SHLD1: variants seen among roughly 807,000 people sequenced by gnomAD.
SHLD1 encodes the protein RINN1-REV7-interacting novel NHEJ regulator 3.
In SHLD1, 3 loss-of-function variants were observed where a neutral mutation model predicts 5.5. The observed-to-expected ratio is 0.54, with a 90% CI of 0.25 to 1.40. The LOEUF (loss-of-function observed/expected upper bound fraction) is 1.40, where lower values mean the gene tolerates loss of function less well. Ranked by LOEUF, SHLD1 falls within the 40% of genes most tolerant of loss-of-function variation. SHLD1 has a pLI of 0.15. For synonymous variants in SHLD1, 92 were observed against 94.3 expected (o/e 0.98, Z 0.14); for missense variants, 210 against 244.4 (o/e 0.86, Z 0.94).
At chr20:5,753,666 G>A (rs1316537618) in intron 1 of SHLD1, among the ~76,000 whole-genome samples, 1 of 152,178 alleles carries the variant, frequency 6.6e-6, no homozygotes, top group African/African-American at 2.4e-5. Context: ...GTCGCCACGT[G>A]TACAAGCAAC....
At chr20:5,821,893 C>G (rs1180027457) in intron 2 of SHLD1, among the ~76,000 whole-genome samples, 1 of 152,154 alleles carries the variant, frequency 6.6e-6, no homozygotes, top group Non-Finnish European at 1.5e-5. Flanking sequence ...AAACAGAAGC[C>G]CTGGAGTCTT....
At chr20:5,775,660 G>A (rs975353800) in intron 2 of SHLD1, among the ~76,000 whole-genome samples, 3 of 152,170 alleles carry the variant, frequency 2.0e-5, no homozygotes, top group African/African-American at 7.2e-5. Context: ...AGTGGTGGTC[G>A]TGCTGGATTA....
intron 2 of SHLD1, among the ~76,000 whole-genome samples, chr20:5,822,561 T>A (rs2087617668): frequency 6.6e-6 from 1 of 152,166 alleles, no homozygotes; most frequent in Non-Finnish European, 1.5e-5. Context: ...CTTGTGTCCC[T>A]AAGTCCCAGC....
intron 2 of SHLD1, among the ~76,000 whole-genome samples, chr20:5,788,311 A>G (rs2087090848): frequency 6.6e-6 from 1 of 152,242 alleles, no homozygotes; most frequent in Non-Finnish European, 1.5e-5. Context: ...TGTTTTGTCC[A>G]GAATTTTCTT....
At position 5,808,983 on chromosome 20, in the gene SHLD1, T is replaced by G. The variant is rs113408518; in HGVS notation, c.178+35940T>G. ...CAAATTAATATGCCATGAAGGAATT[T>G]AAGGGGGTGGCATTTTTTATGAGTT... On this transcript the variant is annotated intron_variant, in intron 2 of 2. Coordinates refer to ENST00000303142, the MANE Select transcript of SHLD1 (RefSeq NM_152504.4). 7.3e-5 allele frequency among the ~76,000 whole-genome samples: 11 copies of G among 151,020 alleles called. 1 individual carries two copies. The highest frequency in any genetic ancestry group is 2.5e-4 in the African/African-American group (10 of 40,316).
chr20:5,795,755 G>A (rs1187733316), intron 2 of SHLD1, among the ~76,000 whole-genome samples: 2 of 152,078 alleles, frequency 1.3e-5, no homozygotes, highest in African/African-American at 2.4e-5. Context: ...GCCGAGGCAG[G>A]TGGATCACGA....
At chr20:5,861,154 C>T (rs1255305940) in intron 2 of SHLD1, among the ~76,000 whole-genome samples, 2 of 152,202 alleles carry the variant, frequency 1.3e-5, no homozygotes, top group Non-Finnish European at 2.9e-5. Flanking sequence ...TGCCACTGGC[C>T]TTTTGTTCAT....
intron 1 of SHLD1, among the ~76,000 whole-genome samples, chr20:5,760,129 G>A (rs1984376070): frequency 6.6e-6 from 1 of 152,058 alleles, no homozygotes; most frequent in African/African-American, 2.4e-5. Flanking sequence ...GGGAGATTTG[G>A]GTATGTTGAA....
intron 1 of SHLD1, among the ~76,000 whole-genome samples, chr20:5,770,990 A>G (rs1985121833): frequency 6.6e-6 from 1 of 152,200 alleles, no homozygotes; most frequent in South Asian, 2.1e-4. Context: ...ACATTGGTGG[A>G]ACCACTCTAT....
chr20:5,840,282 T>C (rs756572214), intron 2 of SHLD1, among the ~76,000 whole-genome samples: 6 of 152,232 alleles, frequency 3.9e-5, no homozygotes, highest in Non-Finnish European at 7.3e-5. Flanking sequence ...AATCTGTTGA[T>C]TAGTCCACTC....
chr20:5,832,904 G>T (rs1378254221), intron 2 of SHLD1, among the ~76,000 whole-genome samples: 2 of 152,044 alleles, frequency 1.3e-5, no homozygotes, highest in Non-Finnish European at 2.9e-5. Context: ...ATTAATCCTG[G>T]TCCTCTCCTG....
At chr20:5,815,838 T>G (rs1410246150) in intron 2 of SHLD1, among the ~76,000 whole-genome samples, 1 of 152,188 alleles carries the variant, frequency 6.6e-6, no homozygotes, top group Admixed American at 6.5e-5. Flanking sequence ...CCCAGCACTT[T>G]GGGAGGCCAT....
intron 2 of SHLD1, among the ~76,000 whole-genome samples, chr20:5,788,869 T>A (rs767125971): frequency 6.6e-5 from 10 of 152,322 alleles, no homozygotes; most frequent in Non-Finnish European, 4.4e-5. Flanking sequence ...CAGTGGCTCA[T>A]GCCTGTAATC....
intron 2 of SHLD1, among the ~76,000 whole-genome samples, chr20:5,812,689 T>C (rs1480634014): frequency 6.6e-6 from 1 of 152,192 alleles, no homozygotes; most frequent in South Asian, 2.1e-4. Context: ...CTCCGTATTA[T>C]GTTAGATTGT....
intron 1 of SHLD1, among the ~76,000 whole-genome samples, chr20:5,772,400 A>G (rs910589653): frequency 6.6e-6 from 1 of 152,206 alleles, no homozygotes; most frequent in African/African-American, 2.4e-5. Context: ...GACAGGGGTA[A>G]TTAATGTCCC....
At chr20:5,847,197 C>T (rs2087942624) in intron 2 of SHLD1, among the ~76,000 whole-genome samples, 1 of 152,054 alleles carries the variant, frequency 6.6e-6, no homozygotes, top group South Asian at 2.1e-4. Context: ...ATTGCCAACC[C>T]CTTCTTCCAG....
rs73596866 is a variant in SHLD1 at position 5,847,511 on chromosome 20, C to G, written c.179-15513C>G. On this transcript the variant is annotated intron_variant, in intron 2 of 2. Transcript: ENST00000303142. The stretch of plus-strand genomic sequence containing the variant: ...TGTGAGATTAATCAGAGAAATCAGA[C>G]AAAAATGTTTTCTGTGTAATTCATT... Among the ~76,000 whole-genome samples, 140 of 151,822 alleles carry G rather than the reference C, an allele frequency of 9.2e-4. 1 individual carries two copies. Among genetic ancestry groups the G allele is most frequent in the African/African-American group, 3.2e-3 (132 of 41,384 alleles).
At chr20:5,836,166 G>A (rs1214869740) in intron 2 of SHLD1, among the ~76,000 whole-genome samples, 3 of 150,670 alleles carry the variant, frequency 2.0e-5, no homozygotes, top group African/African-American at 4.9e-5. Context: ...TGAGACATGT[G>A]TACAGATTTA....
intron 2 of SHLD1, among the ~76,000 whole-genome samples, chr20:5,822,293 A>G (rs1272265225): frequency 1.3e-5 from 2 of 151,990 alleles, no homozygotes; most frequent in Non-Finnish European, 2.9e-5. Context: ...CCCCATCTCT[A>G]CTAAAAATAC....
Sources: gnomAD v4.1 joint callset for allele counts (sites outside exome capture counted in the v4.1 genomes callset) on GRCh38, gnomAD v4.1.1 for gene constraint, MANE v1.5 for transcripts, NCBI Gene and HGNC (gene_info 2026-07-23, HGNC 2026-07-21) for gene names.